PRKCH: variants seen among roughly 807,000 people sequenced by gnomAD.
PRKCH encodes the protein protein kinase C eta.
Under a neutral mutation model 82.5 loss-of-function variants are expected in PRKCH, and 28 were observed. The observed-to-expected ratio is 0.34, with a 90% CI of 0.25 to 0.47. The LOEUF (loss-of-function observed/expected upper bound fraction) is 0.47. Among genes scored for constraint, PRKCH ranks in the 20% least tolerant of loss-of-function variants. The probability of loss-of-function intolerance (pLI) is 1.00; values close to 1 mark genes in which losing one functional copy is unlikely to be tolerated. For missense variants in PRKCH, 705 were observed against 881.8 expected (o/e 0.80, Z 2.54); for synonymous variants, 322 against 327.4 (o/e 0.98, Z 0.18).
At position 61,329,234 on chromosome 14, in the gene PRKCH, C is replaced by CTTTTTT. The variant is rs71117812; in HGVS notation, c.363+6785_363+6790dup. Among the ~76,000 whole-genome samples the CTTTTTT allele has an allele frequency of 8.5e-3, 537 of 63,430 alleles. 128 individuals are homozygous for CTTTTTT. In the East Asian group the frequency reaches 0.091, roughly 11 times the overall value. 41.6% of individuals were successfully genotyped at this position (63,430 alleles called of 152,430 possible). The stretch of plus-strand genomic sequence containing the variant: ...ACTGCTCTTAGATAAACTCCTGAGT[C>CTTTTTT]TTTTTTTTTTTTTTTTTTTTGAGAC... On this transcript the variant is annotated intron_variant, in intron 1 of 13. Transcript: ENST00000332981.
At chr14:61,413,438 A>C (rs1882388866) in intron 2 of PRKCH, among the ~76,000 whole-genome samples, 1 of 106,906 alleles carries the variant, frequency 9.4e-6, no homozygotes, top group Non-Finnish European at 1.7e-5. Context: ...CCCTGTGCCT[A>C]TATTCTAAGC....
intron 4 of PRKCH, among the ~76,000 whole-genome samples, chr14:61,446,139 A>G (rs1262688891): frequency 1.3e-5 from 2 of 151,240 alleles, no homozygotes; most frequent in Non-Finnish European, 2.9e-5. Flanking sequence ...AACATAAGCT[A>G]TTATCCAAGT....
At chr14:61,272,344 C>CTTTTTTTTTTTTTTTTTTTTTTTT (rs1162331604) in intron 1 of PRKCH, among the ~76,000 whole-genome samples, 9 of 23,620 alleles carry the variant, frequency 3.8e-4, no homozygotes, top group Admixed American at 5.7e-4. Flanking sequence ...TTTTTTCTTT[C>CTTTTTTTTTTTTTTTTTTTTTTTT]TTTTTTTTTT....
At chr14:61,205,634 G>A (rs940162345) in intron 1 of PRKCH, among the ~76,000 whole-genome samples, 1 of 152,138 alleles carries the variant, frequency 6.6e-6, no homozygotes, top group Non-Finnish European at 1.5e-5. Context: ...TTTCCCAGGT[G>A]TCTCTCCTCT....
At chr14:61,494,346 T>A (rs2139936707) in intron 10 of PRKCH, among the ~76,000 whole-genome samples, 1 of 152,290 alleles carries the variant, frequency 6.6e-6, no homozygotes, top group East Asian at 1.9e-4. Flanking sequence ...AGAGTAAGTA[T>A]CCCCAAAGTG....
intron 6 of PRKCH, 76 bp downstream of exon 6, chr14:61,451,047 C>T: frequency 2.0e-6 from 3 of 1,525,610 alleles, no homozygotes; most frequent in East Asian, 2.3e-5. Context: ...TCTGTGGACT[C>T]AGAATCTGTC....
intron 1 of PRKCH, among the ~76,000 whole-genome samples, chr14:61,197,730 A>G (rs556959227): frequency 1.1e-4 from 17 of 152,288 alleles, no homozygotes; most frequent in Admixed American, 2.6e-4. Flanking sequence ...AAGTTTCAAC[A>G]TGAGTGTTGG....
chr14:61,508,944 A>G (rs769402006), intron 10 of PRKCH, among the ~76,000 whole-genome samples: 11 of 152,074 alleles, frequency 7.2e-5, no homozygotes, highest in Non-Finnish European at 1.0e-4. Flanking sequence ...ATTAGATTGT[A>G]TGCATCCCAT....
intron 2 of PRKCH, among the ~76,000 whole-genome samples, chr14:61,408,893 A>G (rs974683102): frequency 3.9e-5 from 6 of 152,164 alleles, no homozygotes; most frequent in African/African-American, 1.4e-4. Context: ...CTGTGTTTCT[A>G]TGTGCTTTTT....
chr14:61,300,977 C>A (rs925822578), intron 1 of PRKCH, among the ~76,000 whole-genome samples: 1 of 152,086 alleles, frequency 6.6e-6, no homozygotes, highest in Non-Finnish European at 1.5e-5. Context: ...GATCTTTGGG[C>A]CCTATGTAAA....
chr14:61,369,106 G>A (rs2046334179), intron 1 of PRKCH, among the ~76,000 whole-genome samples: 4 of 152,142 alleles, frequency 2.6e-5, no homozygotes, highest in African/African-American at 7.2e-5. Context: ...ACCATTGGCT[G>A]ATTGTTGGAA....
intron 2 of PRKCH, among the ~76,000 whole-genome samples, chr14:61,393,210 G>A (rs115350655): frequency 6.9e-4 from 105 of 152,064 alleles, no homozygotes; most frequent in African/African-American, 2.4e-3. Flanking sequence ...CTCCAACTCC[G>A]TTCTTTTTTG....
At chr14:61,341,213 C>G (rs1350232401) in intron 1 of PRKCH, among the ~76,000 whole-genome samples, 2 of 152,194 alleles carry the variant, frequency 1.3e-5, no homozygotes, top group Non-Finnish European at 2.9e-5. Flanking sequence ...TCTTCCACCT[C>G]TCCTTGCCTT....
In PRKCH at chr14:61,189,334, C is replaced by A. The variant is rs560501253; in HGVS notation, c.-19+1666C>A. ...GAAACGAGGCAAAGTCCATAATTTT[C>A]TTCTTGCAAAATTCTCAAGTTTAGG... On this transcript the variant is annotated intron_variant, in intron 1 of 3. Coordinates refer to the PRKCH transcript ENST00000555185. Among the ~76,000 whole-genome samples, 9 of 152,356 alleles carry A rather than the reference C, an allele frequency of 5.9e-5. No homozygotes were observed. The East Asian group carries it at 1.7e-3, about 29-fold the overall frequency.
At position 61,414,270 on chromosome 14, in the gene PRKCH, T is replaced by G. The variant is rs147046931; in HGVS notation, c.427+22982T>G. Among the ~76,000 whole-genome samples the G allele has an allele frequency of 1.6e-3, 238 of 151,556 alleles. 2 individuals carry two copies. Among genetic ancestry groups the G allele is most frequent in the Admixed American group, 3.0e-3 (46 of 15,216 alleles). ...CTGGGCACTCTCAATGGGCTTCATT[T>G]AATCTTTTTTTTTTTTTTTTGAAAT... On this transcript the variant is annotated intron_variant, in intron 2 of 13. Coordinates refer to ENST00000332981, the MANE Select transcript of PRKCH (RefSeq NM_006255.5).
chr14:61,408,721 C>T (rs1401453129), intron 2 of PRKCH, among the ~76,000 whole-genome samples: 1 of 152,166 alleles, frequency 6.6e-6, no homozygotes, highest in Non-Finnish European at 1.5e-5. Context: ...GAAATCCGTG[C>T]CCCATTTACT....
upstream of PRKCH, among the ~76,000 whole-genome samples, chr14:61,316,846 G>A (rs1317600700): frequency 6.6e-6 from 1 of 152,202 alleles, no homozygotes; most frequent in Non-Finnish European, 1.5e-5. Context: ...AGTTGGGGCT[G>A]TTGATGACCA....
At position 61,188,847 on chromosome 14, in the gene PRKCH, G is replaced by A. The variant is rs180716857; in HGVS notation, c.-19+1179G>A. Among the ~76,000 whole-genome samples, 595 of 151,984 alleles carry A rather than the reference G, an allele frequency of 3.9e-3. 1 individual carries two copies. Among genetic ancestry groups the A allele is most frequent in the Non-Finnish European group, 5.8e-3 (392 of 67,966 alleles). On this transcript the variant is annotated intron_variant, in intron 1 of 3. Coordinates refer to the PRKCH transcript ENST00000555185. ...CGATTCTCCTGCCTCAGCCTCCCGA[G>A]CAACTGAGATTACAGGCGCCTGCCA...
At chr14:61,498,096 C>T (rs1444759111) in intron 10 of PRKCH, among the ~76,000 whole-genome samples, 1 of 152,092 alleles carries the variant, frequency 6.6e-6, no homozygotes, top group African/African-American at 2.4e-5. Context: ...CTCACTGCAG[C>T]CTCTCCTCCC....
Sources: gnomAD v4.1 joint callset for allele counts (sites outside exome capture counted in the v4.1 genomes callset) on GRCh38, gnomAD v4.1.1 for gene constraint, MANE v1.5 for transcripts, NCBI Gene and HGNC (gene_info 2026-07-23, HGNC 2026-07-21) for gene names.